The following DMD variants were observed in gnomAD, a reference collection of about 807,000 sequenced individuals.
The protein encoded by DMD is dystrophin, also known as mutant dystrophin.
DMD carries 63 observed loss-of-function variants against 330.1 expected under a neutral mutation model. The ratio of observed to expected loss-of-function variants is 0.19; its 90% CI spans 0.16 to 0.24. DMD has a LOEUF of 0.24. DMD is among the 10% of genes least tolerant of loss of function. The pLI is 1.00. For missense variants in DMD, 3,344 were observed against 2,684.1 expected, an observed-to-expected ratio of 1.25 and a Z score of -5.43; for synonymous variants, 1,223 against 959.8, an observed-to-expected ratio of 1.27 and a Z score of -5.07.
At chrX:31,985,061 T>C (rs112930821) in intron 44 of DMD, among the ~76,000 whole-genome samples, 7,143 of 111,842 alleles carry the variant, frequency 0.064, 532 homozygotes, top group African/African-American at 0.21. Context: ...AAGATCACCA[T>C]AGAATTAGAA....
At chrX:32,428,734 C>T (rs1009269738) in intron 29 of DMD, among the ~76,000 whole-genome samples, 5 of 111,235 alleles carry the variant, frequency 4.5e-5, no homozygotes, top group Non-Finnish European at 9.4e-5. Flanking sequence ...ACCTCAGCCT[C>T]CCAAGCAGCT....
intron 44 of DMD, among the ~76,000 whole-genome samples, chrX:32,086,671 G>A (rs932898255): frequency 9.0e-6 from 1 of 111,495 alleles, no homozygotes; most frequent in African/African-American, 3.3e-5. Flanking sequence ...CATCCTAGAA[G>A]CAGTCTGGAG....
intron 7 of DMD, among the ~76,000 whole-genome samples, chrX:32,740,839 G>T (rs1278353721): frequency 9.0e-6 from 1 of 111,112 alleles, no homozygotes; most frequent in East Asian, 2.9e-4. Flanking sequence ...TCCCAAGGTT[G>T]GCATTGAATT....
chrX:31,433,526 G>A (rs2064240684), intron 60 of DMD, among the ~76,000 whole-genome samples: 1 of 105,768 alleles, frequency 9.5e-6, no homozygotes, highest in Admixed American at 1.0e-4. Flanking sequence ...GCATGATCTC[G>A]GCTCACTGCA....
chrX:32,841,725 G>T (rs1050394405), intron 4 of DMD, among the ~76,000 whole-genome samples: 4 of 111,756 alleles, frequency 3.6e-5, no homozygotes, highest in African/African-American at 1.3e-4. Context: ...AAACAAAATG[G>T]TAAAACGATA....
rs1393241317 is a variant in DMD at position 31,373,224 on chromosome X, C to A, written c.9085-24590G>T. On this transcript the variant is annotated intron_variant, in intron 60 of 78. Transcript: ENST00000357033. ...GCTCATGGGTAGGAAGAATCAATAT[C>A]GTGAAAATGGCCATACTGCCCAAGG... is the stretch of plus-strand genomic sequence containing the variant. Among the ~76,000 whole-genome samples the A allele has an allele frequency of 9.4e-5, 10 of 106,569 alleles. No homozygotes were observed. The East Asian group carries it at 1.8e-3, about 19-fold the overall frequency. 92.5% of individuals were successfully genotyped at this position (106,569 alleles called of 115,157 possible). A position where few individuals can be genotyped will look rare whatever the true frequency, so the allele number is the denominator to read the frequency against.
intron 2 of DMD, among the ~76,000 whole-genome samples, chrX:32,983,686 T>C (rs2147244208): frequency 9.0e-6 from 1 of 111,254 alleles, no homozygotes; most frequent in South Asian, 3.9e-4. Context: ...AGGGAAAAAA[T>C]GGTAAAGTGT....
At chrX:32,583,955 G>C (rs1192273244) in intron 13 of DMD, among the ~76,000 whole-genome samples, 1 of 111,414 alleles carries the variant, frequency 9.0e-6, no homozygotes, top group African/African-American at 3.3e-5. Flanking sequence ...AAATATTGAA[G>C]TGAACTATGT....
intron 2 of DMD, among the ~76,000 whole-genome samples, chrX:32,890,128 A>C (rs764064070): frequency 1.8e-5 from 2 of 111,459 alleles, no homozygotes; most frequent in African/African-American, 6.5e-5. Flanking sequence ...ACCGGTAATA[A>C]ATCAGACAAC....
chrX:32,458,112 C>A (rs887886198), intron 25 of DMD, among the ~76,000 whole-genome samples: 4 of 110,475 alleles, frequency 3.6e-5, no homozygotes, highest in Non-Finnish European at 7.6e-5. Context: ...TTGGGAGACT[C>A]AAGCACAAAA....
At chrX:32,050,660 G>C (rs1354573773) in intron 44 of DMD, among the ~76,000 whole-genome samples, 1 of 110,935 alleles carries the variant, frequency 9.0e-6, no homozygotes, top group Non-Finnish European at 1.9e-5. Flanking sequence ...TCTTAAAAAG[G>C]GAGTCTATTA....
At chrX:33,089,835 G>C (rs925838496) in intron 1 of DMD, among the ~76,000 whole-genome samples, 1 of 111,355 alleles carries the variant, frequency 9.0e-6, no homozygotes, top group Non-Finnish European at 1.9e-5. Context: ...AGCCTCTCGG[G>C]AGAAAAATGA....
intron 50 of DMD, among the ~76,000 whole-genome samples, chrX:31,789,950 C>T (rs1394094981): frequency 9.0e-6 from 1 of 111,548 alleles, no homozygotes; most frequent in Non-Finnish European, 1.9e-5. Flanking sequence ...GGAAACTATA[C>T]ATGTGCATAG....
chrX:33,092,758 T>A (rs1459689822), intron 1 of DMD, among the ~76,000 whole-genome samples: 2 of 112,158 alleles, frequency 1.8e-5, no homozygotes, highest in Non-Finnish European at 3.8e-5. Flanking sequence ...AGCATACTAC[T>A]GCTTTTAAGA....
intron 9 of DMD, among the ~76,000 whole-genome samples, chrX:32,668,446 G>A (rs2061442854): frequency 8.9e-6 from 1 of 111,753 alleles, no homozygotes; most frequent in Non-Finnish European, 1.9e-5. Context: ...ATTCAGTCAT[G>A]AGAAATCATG....
At chrX:31,228,463 G>A (rs1341668715) in intron 63 of DMD, among the ~76,000 whole-genome samples, 1 of 110,355 alleles carries the variant, frequency 9.1e-6, no homozygotes, top group Non-Finnish European at 1.9e-5. Context: ...CTAGGAGTCT[G>A]CAGCACCACT....
At chrX:31,435,112 G>C (rs2064415468) in intron 60 of DMD, among the ~76,000 whole-genome samples, 1 of 110,983 alleles carries the variant, frequency 9.0e-6, no homozygotes, top group Non-Finnish European at 1.9e-5. Context: ...TAACCCTTGG[G>C]CTCCTCATTT....
chrX:31,932,919 T>A, intron 45 of DMD, among the ~76,000 whole-genome samples: 1 of 111,696 alleles, frequency 9.0e-6, no homozygotes, highest in South Asian at 3.7e-4. Context: ...TCCTCTGCAT[T>A]GTAGGGTATT....
At chrX:33,086,675 C>CA (rs2095011054) in intron 1 of DMD, among the ~76,000 whole-genome samples, 1 of 109,458 alleles carries the variant, frequency 9.1e-6, no homozygotes, top group Admixed American at 9.9e-5. Flanking sequence ...AAGACTGACC[C>CA]AATATTAAAA....
Sources: allele counts gnomAD v4.1 joint callset (sites outside exome capture counted in the v4.1 genomes callset), GRCh38; gene constraint gnomAD v4.1.1; transcripts MANE v1.5; gene names NCBI Gene and HGNC (gene_info 2026-07-23, HGNC 2026-07-21).